Variants in ACOXL observed in about 807,000 individuals in gnomAD.
ACOXL encodes the protein acyl-CoA oxidase like, also known as acyl-coenzyme A oxidase-like protein.
A neutral mutation model predicts 71.9 loss-of-function variants in ACOXL; 70 were observed. The ratio of observed to expected loss-of-function variants is 0.97; its 90% CI spans 0.80 to 1.19. The LOEUF (loss-of-function observed/expected upper bound fraction) is 1.19, where lower values mean the gene tolerates loss of function less well. Ranked by LOEUF, ACOXL falls within the 50% of genes most tolerant of loss-of-function variation. ACOXL has a pLI of 0.00. For missense variants in ACOXL, 703 were observed against 736.3 expected, an observed-to-expected ratio of 0.95 and a Z score of 0.52; for synonymous variants, 253 against 281.6, an observed-to-expected ratio of 0.90 and a Z score of 1.02.
At chr2:111,033,293 A>C (rs1003290541) in intron 15 of ACOXL, among the ~76,000 whole-genome samples, 9 of 152,294 alleles carry the variant, frequency 5.9e-5, no homozygotes, top group African/African-American at 1.9e-4. Flanking sequence ...TTGCCCACCC[A>C]CAGTGTATCA....
At position 111,008,920 on chromosome 2, in the gene ACOXL, T is replaced by G. The variant is rs1296463400; in HGVS notation, c.1281+12916T>G. On this transcript the variant is annotated intron_variant, in intron 14 of 17. Coordinates refer to ENST00000439055, the MANE Select transcript of ACOXL (RefSeq NM_001142807.4). Reference sequence around the variant, plus strand: ...TTCAATGTATTGTCTGCTCATATTATTTTCCCATTTTTCCATAGGGTTTTG... The same window carrying G: ...TTCAATGTATTGTCTGCTCATATTAGTTTCCCATTTTTCCATAGGGTTTTG... Among the ~76,000 whole-genome samples the G allele has an allele frequency of 2.6e-5, 4 of 152,296 alleles. No individual in the cohort carries two copies. The East Asian group carries it at 7.7e-4, about 29-fold the overall frequency.
intron 10 of ACOXL, among the ~76,000 whole-genome samples, chr2:110,871,869 G>A (rs915830017): frequency 6.6e-6 from 1 of 152,170 alleles, no homozygotes; most frequent in African/African-American, 2.4e-5. Flanking sequence ...CACTCATTCT[G>A]AGACTCACTC....
chr2:110,963,977 T>A (rs972200707), intron 12 of ACOXL, among the ~76,000 whole-genome samples: 1 of 152,150 alleles, frequency 6.6e-6, no homozygotes, highest in African/African-American at 2.4e-5. Context: ...TGAAAGAGTA[T>A]GTAAGGCCCC....
chr2:111,056,558 G>A (rs1227808375), intron 16 of ACOXL, among the ~76,000 whole-genome samples: 1 of 152,064 alleles, frequency 6.6e-6, no homozygotes, highest in Non-Finnish European at 1.5e-5. Context: ...GGAGGCTGAG[G>A]TGGGTGGATC....
intron 9 of ACOXL, among the ~76,000 whole-genome samples, chr2:110,809,069 C>T (rs555971530): frequency 2.6e-5 from 4 of 152,366 alleles, no homozygotes; most frequent in African/African-American, 9.6e-5. Context: ...GGTTCTTGTG[C>T]TCCCACATAC....
intron 10 of ACOXL, among the ~76,000 whole-genome samples, chr2:110,852,710 A>G (rs550759842): frequency 1.3e-5 from 2 of 152,278 alleles, no homozygotes; most frequent in South Asian, 2.1e-4. Flanking sequence ...GCTGTGGCCA[A>G]TGCAGAAGGA....
chr2:110,927,545 C>A (rs997222632), intron 11 of ACOXL, among the ~76,000 whole-genome samples: 4 of 152,184 alleles, frequency 2.6e-5, no homozygotes, highest in African/African-American at 7.2e-5. Flanking sequence ...TCTTTTGAGA[C>A]CCAGTTGAGG....
intron 14 of ACOXL, among the ~76,000 whole-genome samples, chr2:111,017,327 C>G (rs986275206): frequency 6.6e-6 from 1 of 152,210 alleles, no homozygotes; most frequent in African/African-American, 2.4e-5. Context: ...TGTTCAGAGT[C>G]CATTGTCTTG....
At chr2:110,741,214 A>G (rs1293059373) in intron 1 of ACOXL, among the ~76,000 whole-genome samples, 1 of 152,152 alleles carries the variant, frequency 6.6e-6, no homozygotes, top group African/African-American at 2.4e-5. Context: ...GGGCTGCCGT[A>G]ATAATGTACC....
intron 1 of ACOXL, among the ~76,000 whole-genome samples, chr2:110,762,962 G>A (rs1180691686): frequency 1.3e-5 from 2 of 152,080 alleles, no homozygotes. Flanking sequence ...TGGCCAAATT[G>A]TTTGAAGTAT....
intron 12 of ACOXL, among the ~76,000 whole-genome samples, chr2:110,950,707 T>C (rs2061294351): frequency 1.3e-5 from 2 of 152,150 alleles, no homozygotes; most frequent in African/African-American, 4.8e-5. Flanking sequence ...GTGATCATCT[T>C]ACATCTTAGT....
At chr2:110,985,778 G>A (rs1473897541) in intron 12 of ACOXL, among the ~76,000 whole-genome samples, 6 of 152,188 alleles carry the variant, frequency 3.9e-5, no homozygotes, top group Non-Finnish European at 8.8e-5. Flanking sequence ...TTAACTGCCT[G>A]CATGTATTTT....
At chr2:110,809,339 G>A (rs1423313793) in intron 9 of ACOXL, among the ~76,000 whole-genome samples, 1 of 152,252 alleles carries the variant, frequency 6.6e-6, no homozygotes, top group Non-Finnish European at 1.5e-5. Flanking sequence ...TGGGGCTGCA[G>A]AGTCACATGC....
chr2:111,037,365 T>TA (rs2149777439), intron 15 of ACOXL, among the ~76,000 whole-genome samples: 1 of 152,296 alleles, frequency 6.6e-6, no homozygotes, highest in East Asian at 1.9e-4. Context: ...GGTGGTTTTT[T>TA]ATCACCAGTG....
intron 10 of ACOXL, among the ~76,000 whole-genome samples, chr2:110,861,820 G>A (rs1693989417): frequency 6.6e-6 from 1 of 152,150 alleles, no homozygotes; most frequent in Non-Finnish European, 1.5e-5. Context: ...TGTTTAGCAG[G>A]ATTTTCTCAC....
At chr2:111,070,801 G>C (rs915887701) in intron 16 of ACOXL, among the ~76,000 whole-genome samples, 4 of 152,002 alleles carry the variant, frequency 2.6e-5, no homozygotes, top group African/African-American at 9.7e-5. Flanking sequence ...CATCTTTTCA[G>C]TAAGGCAGAA....
intron 2 of ACOXL, among the ~76,000 whole-genome samples, chr2:110,783,632 C>G (rs2092227356): frequency 6.6e-6 from 1 of 151,906 alleles, no homozygotes; most frequent in African/African-American, 2.4e-5. Flanking sequence ...CACACACTTG[C>G]ACACACACGT....
chr2:111,029,897 T>C (rs1561477), intron 14 of ACOXL, among the ~76,000 whole-genome samples: 134,302 of 152,100 alleles, frequency 0.88, 59,450 homozygotes, highest in Middle Eastern at 0.98. Context: ...GGGGTGCAGT[T>C]GTAGCCAGCT....
intron 10 of ACOXL, among the ~76,000 whole-genome samples, chr2:110,889,911 C>T (rs1304966014): frequency 3.9e-5 from 6 of 152,136 alleles, no homozygotes; most frequent in Non-Finnish European, 7.4e-5. Context: ...TGTAGCTGCA[C>T]CATTATATAT....
Sources: allele counts gnomAD v4.1 joint callset (sites outside exome capture counted in the v4.1 genomes callset), GRCh38; gene constraint gnomAD v4.1.1; transcripts MANE v1.5; gene names NCBI Gene and HGNC (gene_info 2026-07-23, HGNC 2026-07-21).